The following KIF6 variants were observed in gnomAD, a reference collection of about 807,000 sequenced individuals.
KIF6 encodes the protein kinesin family member 6.
Under a neutral mutation model 112.7 loss-of-function variants are expected in KIF6, and 106 were observed. The ratio of observed to expected loss-of-function variants is 0.94; its 90% CI spans 0.80 to 1.11. The LOEUF (loss-of-function observed/expected upper bound fraction) is 1.11. Among genes scored for constraint, KIF6 ranks in the 50% least tolerant of loss-of-function variants. The pLI is 0.00. For missense variants in KIF6, 929 were observed against 964.0 expected (o/e 0.96, Z 0.48); for synonymous variants, 339 against 339.9 (o/e 1.00, Z 0.03).
In KIF6 at chr6:39,725,279, C is replaced by G; in HGVS notation, c.32G>C (p.Arg11Thr). The G allele has an allele frequency of 6.2e-7, 1 of 1,611,176 alleles. No individual in the cohort carries two copies. Among genetic ancestry groups the G allele is most frequent in the Non-Finnish European group, 8.5e-7 (1 of 1,178,902 alleles). The change falls in exon 1 of 23, where the codon AGG becomes ACG. Residue 11 changes from arginine (R) to threonine (T), a missense_variant. Transcript: ENST00000287152. ...GTGCTTCCGGACAGGGGGCTTCACC[C>G]TCGCGAATATCTGGATAGTCTGCTT... MVKQTIQIFARVKPPVRKHQQ... is the reference protein window; with the variant it reads MVKQTIQIFATVKPPVRKHQQ...
intron 3 of KIF6, among the ~76,000 whole-genome samples, chr6:39,686,414 A>T (rs1007692273): frequency 1.3e-5 from 2 of 152,232 alleles, no homozygotes; most frequent in East Asian, 3.8e-4. Context: ...CACATGGCAA[A>T]TGGAAACTTT....
intron 7 of KIF6, among the ~76,000 whole-genome samples, chr6:39,590,514 C>T (rs920120317): frequency 7.0e-6 from 1 of 143,466 alleles, no homozygotes; most frequent in Admixed American, 7.2e-5. Flanking sequence ...TGTAATAGCA[C>T]AACCTGGGCT....
At chr6:39,581,817 A>C (rs1781316498) in intron 9 of KIF6, among the ~76,000 whole-genome samples, 1 of 152,092 alleles carries the variant, frequency 6.6e-6, no homozygotes, top group Non-Finnish European at 1.5e-5. Flanking sequence ...CTGCAGCCTC[A>C]GCTTAGTTTT....
rs533328573 is a variant in KIF6 at position 39,539,636 on chromosome 6, C to G, written c.1645+367G>C. Among the ~76,000 whole-genome samples, 156 of 152,176 alleles carry G rather than the reference C, an allele frequency of 1.0e-3. 1 individual carries two copies. Among genetic ancestry groups the G allele is most frequent in the Non-Finnish European group, 2.1e-3 (143 of 68,034 alleles). On this transcript the variant is annotated intron_variant, in intron 13 of 22. Transcript: ENST00000287152. The stretch of plus-strand genomic sequence containing the variant: ...GGGATTCCAGGCGTGAGCCACCGTG[C>G]CTGGCCTGGTAATATTTTTAAATAG...
At chr6:39,652,851 C>T (rs1357872123) in intron 3 of KIF6, among the ~76,000 whole-genome samples, 3 of 152,090 alleles carry the variant, frequency 2.0e-5, no homozygotes, top group Non-Finnish European at 4.4e-5. Flanking sequence ...CTTTCTACTA[C>T]CTAAGTTATA....
At chr6:39,433,394 A>G (rs1178390526) in intron 13 of KIF6, among the ~76,000 whole-genome samples, 2 of 152,228 alleles carry the variant, frequency 1.3e-5, no homozygotes, top group Non-Finnish European at 2.9e-5. Context: ...GGCCAGCAGC[A>G]TAACATATTC....
chr6:39,341,204 C>G (rs1763308043), intron 22 of KIF6, among the ~76,000 whole-genome samples: 4 of 152,152 alleles, frequency 2.6e-5, no homozygotes, highest in Admixed American at 2.6e-4. Flanking sequence ...CCACCCTCTC[C>G]CCAGCCACTC....
At chr6:39,505,119 C>A (rs149440301) in intron 13 of KIF6, among the ~76,000 whole-genome samples, 1 of 152,136 alleles carries the variant, frequency 6.6e-6, no homozygotes, top group Non-Finnish European at 1.5e-5. Context: ...GCTACAGTAA[C>A]CAAAACAGCA....
intron 5 of KIF6, among the ~76,000 whole-genome samples, chr6:39,627,245 A>T (rs1784137362): frequency 6.6e-6 from 1 of 152,122 alleles, no homozygotes; most frequent in Admixed American, 6.6e-5. Flanking sequence ...TCCCTCAAGG[A>T]TGATTTCATC....
At chr6:39,493,519 C>CAG (rs1418135086) in intron 13 of KIF6, among the ~76,000 whole-genome samples, 6 of 152,202 alleles carry the variant, frequency 3.9e-5, no homozygotes, top group African/African-American at 1.4e-4. Flanking sequence ...AATCAGGAAG[C>CAG]AGAGAAGCAT....
intron 15 of KIF6, among the ~76,000 whole-genome samples, chr6:39,395,378 A>G (rs1346047289): frequency 6.6e-6 from 1 of 152,212 alleles, no homozygotes; most frequent in African/African-American, 2.4e-5. Context: ...GCATTAGGAA[A>G]ATTTTCAGCT....
intron 20 of KIF6, among the ~76,000 whole-genome samples, chr6:39,346,049 GCTCT>G (rs1203700665): frequency 5.2e-4 from 15 of 29,004 alleles, no homozygotes; most frequent in Admixed American, 2.2e-3. Context: ...AAACTACAGT[GCTCT>G]CTCTCTCTCT....
chr6:39,724,408 G>C lies in KIF6; in HGVS notation c.66+837C>G, dbSNP rs1430670286. 2.8e-5 allele frequency among the ~76,000 whole-genome samples: 4 copies of C among 143,978 alleles called. No individual in the cohort carries two copies. In the South Asian group the frequency reaches 8.7e-4, roughly 31 times the overall value. The allele number at this position is 143,978 out of a possible 152,430, so 94.5% of individuals were successfully genotyped here. On this transcript the variant is annotated intron_variant, in intron 1 of 22. Coordinates refer to ENST00000287152, the MANE Select transcript of KIF6 (RefSeq NM_145027.6). ...GCAGAGCTTGCAGTGAGCCGAGATC[G>C]CGCCACTGCACTTCAGTCTGGGTGG...
chr6:39,405,742 G>A (rs1769041287), intron 15 of KIF6, among the ~76,000 whole-genome samples: 1 of 152,134 alleles, frequency 6.6e-6, no homozygotes, highest in Non-Finnish European at 1.5e-5. Flanking sequence ...TTTTCTGGAA[G>A]AGATTATATA....
intron 8 of KIF6, among the ~76,000 whole-genome samples, chr6:39,585,290 A>AGC (rs1238729847): frequency 6.6e-6 from 1 of 152,174 alleles, no homozygotes; most frequent in Non-Finnish European, 1.5e-5. Flanking sequence ...TCTCATAAGG[A>AGC]GCGGGCAACC....
chr6:39,600,947 A>G (rs539973221), intron 6 of KIF6, among the ~76,000 whole-genome samples: 1 of 152,274 alleles, frequency 6.6e-6, no homozygotes, highest in Non-Finnish European at 1.5e-5. Context: ...GACCTGCTTC[A>G]TTGCAGGGAG....
At chr6:39,414,136 T>A (rs924568485) in intron 15 of KIF6, among the ~76,000 whole-genome samples, 15 of 151,902 alleles carry the variant, frequency 9.9e-5, no homozygotes, top group African/African-American at 2.9e-4. Flanking sequence ...AATATAATAT[T>A]TTTTTTTACT....
At chr6:39,348,673 T>C (rs1409778456) in intron 19 of KIF6, among the ~76,000 whole-genome samples, 1 of 152,186 alleles carries the variant, frequency 6.6e-6, no homozygotes, top group African/African-American at 2.4e-5. Context: ...TAATAAGCCA[T>C]ATTAATAGTA....
At chr6:39,665,904 T>C (rs151191362) in intron 3 of KIF6, among the ~76,000 whole-genome samples, 1 of 152,322 alleles carries the variant, frequency 6.6e-6, no homozygotes, top group African/African-American at 2.4e-5. Flanking sequence ...CCATTCTGCA[T>C]ACACTCATAT....
Sources: gnomAD v4.1 joint callset for allele counts (sites outside exome capture counted in the v4.1 genomes callset) on GRCh38, gnomAD v4.1.1 for gene constraint, MANE v1.5 for transcripts, NCBI Gene and HGNC (gene_info 2026-07-23, HGNC 2026-07-21) for gene names.